The following ALKBH8 variants were observed in gnomAD, a reference collection of about 807,000 sequenced individuals.
The protein encoded by ALKBH8 is tRNA (carboxymethyluridine(34)-5-O)-methyltransferase ALKBH8.
ALKBH8 carries 36 observed loss-of-function variants against 59.8 expected under a neutral mutation model. The observed-to-expected ratio is 0.60, with a 90% CI of 0.46 to 0.79. ALKBH8 has a LOEUF of 0.79. ALKBH8 is among the 30% of genes least tolerant of loss of function. ALKBH8 has a pLI of 0.00. For synonymous variants in ALKBH8, 276 were observed against 273.6 expected (o/e 1.01, Z -0.09); for missense variants, 768 against 801.0 (o/e 0.96, Z 0.50).
chr11:107,510,994 C>G lies in ALKBH8; in HGVS notation c.1330G>C (p.Glu444Gln). The G allele has an allele frequency of 2.6e-6, 4 of 1,551,974 alleles. No individual in the cohort carries two copies. Among genetic ancestry groups the G allele is most frequent in the Non-Finnish European group, 3.5e-6 (4 of 1,147,002 alleles). The change falls in exon 11 of 12, where the codon GAG (glutamate) becomes CAG (glutamine). Residue 444 changes from glutamate (E) to glutamine (Q), a missense_variant. Transcript: ENST00000428149. Reference protein sequence around the residue: ...RSQNLVDICRERQFQAFVCDA... With the variant: ...RSQNLVDICRQRQFQAFVCDA... ...CAGACAAAAGCCTGAAATTGCCTCT[C>G]TCTACAAATGTCCACAAGGTTTTGG...
rs766827587 is a variant in ALKBH8 at position 107,560,842 on chromosome 11, ACTT to A, written c.49_51del (p.Lys17del). 1.9e-5 allele frequency: 30 copies of A among 1,613,046 alleles called. No individual in the cohort carries two copies. In the African/African-American group the frequency reaches 1.9e-4, roughly 10 times the overall value. On this transcript the variant is annotated inframe_deletion, in exon 2 of 12. Transcript: ENST00000428149. ...TTGGCTTTAATCTGTTTCCTTAAGA[ACTT>A]CTTCTCAGTTTTACTGAGTTTGTAA...
In ALKBH8 at chr11:107,565,702, A is replaced by T; in HGVS notation, c.-108T>A. ...ACACCGCAGCGGATACTTGCACGCC[A>T]TCTCCCCTGGGCGCGGCCATGTTGG... On this transcript the variant is annotated 5_prime_UTR_variant, in exon 1 of 12. It removes an upstream start codon present in the reference 5' UTR. Transcript: ENST00000428149. The T allele has an allele frequency of 6.5e-7, 1 of 1,532,246 alleles. No homozygotes were observed. Among genetic ancestry groups the T allele is most frequent in the Non-Finnish European group, 8.7e-7 (1 of 1,143,756 alleles). 94.9% of individuals were successfully genotyped at this position (1,532,246 alleles called of 1,614,324 possible).
intron 7 of ALKBH8, among the ~76,000 whole-genome samples, chr11:107,540,338 T>G (rs951603793): frequency 1.3e-5 from 2 of 152,180 alleles, no homozygotes; most frequent in Non-Finnish European, 2.9e-5. Context: ...GCTGAACAAA[T>G]AGATTCTGCC....
chr11:107,514,554 CAATT>C (rs1184585461), intron 10 of ALKBH8, among the ~76,000 whole-genome samples: 1 of 152,112 alleles, frequency 6.6e-6, no homozygotes, highest in South Asian at 2.1e-4. Flanking sequence ...ACATGATTCC[CAATT>C]AATTGCTCCC....
At position 107,503,862 on chromosome 11, in the gene ALKBH8, T is replaced by C. The variant is rs1417734946; in HGVS notation, c.*796A>G. 1 of 152,210 alleles carries C rather than the reference T, an allele frequency of 6.6e-6. No individual in the cohort carries two copies. Among genetic ancestry groups the C allele is most frequent in the Non-Finnish European group, 1.5e-5 (1 of 68,036 alleles). 9.4% of individuals were successfully genotyped at this position (152,210 alleles called of 1,614,324 possible). On this transcript the variant is annotated 3_prime_UTR_variant, in exon 12 of 12. Coordinates refer to ENST00000428149, the MANE Select transcript of ALKBH8 (RefSeq NM_138775.3). The stretch of plus-strand genomic sequence containing the variant: ...ATAATAAATTAGTCAGGATTAGTAG[T>C]TATTTCAGTCACTTAAAAGTAATCT...
intron 2 of ALKBH8, 87 bp downstream of exon 2, chr11:107,560,678 C>T (rs1436240100): frequency 4.6e-6 from 6 of 1,291,838 alleles, no homozygotes; most frequent in Middle Eastern, 2.7e-4. Context: ...ACAATTACAG[C>T]CTTAGGCAAT....
rs182043509 is a variant in ALKBH8, at chr11:107,525,367, T to G, written c.1030+74A>C. 54 of 1,355,396 alleles carry G rather than the reference T, an allele frequency of 4.0e-5. No individual in the cohort carries two copies. In the African/African-American group the frequency reaches 8.0e-4, roughly 20 times the overall value. The allele number at this position is 1,355,396 out of a possible 1,614,324, so 84.0% of individuals were successfully genotyped here. A position where few individuals can be genotyped will look rare whatever the true frequency, so the allele number is the denominator to read the frequency against. ...GAGATTCAGAAAAAGCTCTCCTAGG[T>G]GTTGACAGGACCTTAAAGGACTTTT... is the stretch of plus-strand genomic sequence containing the variant. On this transcript the variant is annotated intron_variant, in intron 9 of 11. Coordinates refer to ENST00000428149, the MANE Select transcript of ALKBH8 (RefSeq NM_138775.3).
At chr11:107,559,751 G>C (rs964199055) in intron 2 of ALKBH8, among the ~76,000 whole-genome samples, 3 of 152,028 alleles carry the variant, frequency 2.0e-5, no homozygotes, top group African/African-American at 7.2e-5. Context: ...TCCAAGTATG[G>C]GCCTTTTACC....
chr11:107,562,246 C>G (rs1193798106), intron 1 of ALKBH8, among the ~76,000 whole-genome samples: 1 of 150,856 alleles, frequency 6.6e-6, no homozygotes, highest in African/African-American at 2.5e-5. Context: ...TTGCAGTGAG[C>G]CAAGATCATG....
rs1863629504 is a variant in ALKBH8, at chr11:107,532,350, A to T, written c.828T>A (p.Arg276=). 2 of 1,613,612 alleles carry T rather than the reference A, an allele frequency of 1.2e-6. No individual in the cohort carries two copies. The highest frequency in any genetic ancestry group is 1.3e-5 in the African/African-American group (1 of 74,912). Residue 276 remains arginine, a synonymous_variant, in exon 8 of 12, where the codon CGT becomes CGA. Transcript: ENST00000428149. Reference sequence around the variant, plus strand: ...CTCCTGTCATCACCAGCAAACTCCGACGAGGCAACATAACTGGCACTGCAA... The same window carrying T: ...CTCCTGTCATCACCAGCAAACTCCGTCGAGGCAACATAACTGGCACTGCAA... ...DGIAVPVMLP[R]RSLLVMTGES... is the part of the protein sequence containing the mutation.
chr11:107,562,421 C>G (rs1026927809), intron 1 of ALKBH8, among the ~76,000 whole-genome samples: 1 of 151,798 alleles, frequency 6.6e-6, no homozygotes, highest in Admixed American at 6.6e-5. Context: ...TTCAGTGAGG[C>G]AGTAAAGAGC....
intron 7 of ALKBH8, among the ~76,000 whole-genome samples, chr11:107,534,166 T>A (rs1224351179): frequency 6.6e-6 from 1 of 152,068 alleles, no homozygotes; most frequent in Non-Finnish European, 1.5e-5. Flanking sequence ...AAATTCATAA[T>A]AAATTGTTGG....
At chr11:107,521,713 A>C (rs2135498797) in intron 10 of ALKBH8, among the ~76,000 whole-genome samples, 1 of 152,342 alleles carries the variant, frequency 6.6e-6, no homozygotes, top group Non-Finnish European at 1.5e-5. Flanking sequence ...GGAATCAGAC[A>C]GAAATGGGTT....
rs1862529362 is a variant in ALKBH8 at position 107,509,415 on chromosome 11, ATACAATTTGCAAATAT to A, written c.1437+1456_1437+1471del. On this transcript the variant is annotated intron_variant, in intron 11 of 11. Coordinates refer to ENST00000428149, the MANE Select transcript of ALKBH8 (RefSeq NM_138775.3). ...TATGGATATTAATTCCTTATCAGATATACAATTTGCAAATATTTTCTCCTATTTTGTGGGCTACCTT... is the reference window on the plus strand; with the variant it reads ...TATGGATATTAATTCCTTATCAGATATTTCTCCTATTTTGTGGGCTACCTT... Among the ~76,000 whole-genome samples the A allele has an allele frequency of 2.0e-5, 3 of 152,188 alleles. No homozygotes were observed. The South Asian group carries it at 6.2e-4, about 31-fold the overall frequency.
At chr11:107,540,959 C>A (rs191723688) in intron 7 of ALKBH8, among the ~76,000 whole-genome samples, 60 of 152,138 alleles carry the variant, frequency 3.9e-4, no homozygotes, top group African/African-American at 1.4e-3. Flanking sequence ...TATATTTGTA[C>A]AGAAGACTTC....
intron 7 of ALKBH8, among the ~76,000 whole-genome samples, chr11:107,544,572 A>G (rs1225850310): frequency 6.6e-5 from 10 of 152,192 alleles, no homozygotes; most frequent in Admixed American, 6.5e-4. Context: ...AAATGACATG[A>G]TCAAACAAGG....
intron 8 of ALKBH8, among the ~76,000 whole-genome samples, chr11:107,529,693 C>T (rs1015007025): frequency 2.7e-5 from 4 of 146,740 alleles, no homozygotes; most frequent in Admixed American, 6.6e-5. Flanking sequence ...TTAGTAGAGA[C>T]GGGGTTTCAC....
At position 107,532,285 on chromosome 11, in the gene ALKBH8, T is replaced by C. The variant is rs753688258; in HGVS notation, c.878+15A>G. The C allele has an allele frequency of 6.2e-7, 1 of 1,600,662 alleles. No individual in the cohort carries two copies. Among genetic ancestry groups the C allele is most frequent in the Non-Finnish European group, 8.5e-7 (1 of 1,170,418 alleles). On this transcript the variant is annotated intron_variant, in intron 8 of 11. Coordinates refer to ENST00000428149, the MANE Select transcript of ALKBH8 (RefSeq NM_138775.3). Reference sequence around the variant, plus strand: ...CTCATAAAGAAAAAGAATCCTGTCATATTTCAATACATACCCATGGGTCCA... The same window carrying C: ...CTCATAAAGAAAAAGAATCCTGTCACATTTCAATACATACCCATGGGTCCA...
chr11:107,551,781 T>G (rs1403268316), intron 6 of ALKBH8, 27 bp downstream of exon 6: 3 of 1,453,180 alleles, frequency 2.1e-6, no homozygotes, highest in African/African-American at 2.9e-5. Flanking sequence ...AATATGTGAC[T>G]AAAATTTTTG....
Sources: gnomAD v4.1 joint callset for allele counts (sites outside exome capture counted in the v4.1 genomes callset) on GRCh38, gnomAD v4.1.1 for gene constraint, MANE v1.5 for transcripts, NCBI Gene and HGNC (gene_info 2026-07-23, HGNC 2026-07-21) for gene names.